The following FRMPD4 variants were observed in gnomAD, a reference collection of about 807,000 sequenced individuals.
FRMPD4 encodes FERM and PDZ domain containing 4, also known as FERM and PDZ domain-containing protein 4.
Under a neutral mutation model 94.1 loss-of-function variants are expected in FRMPD4, and 22 were observed. The ratio of observed to expected loss-of-function variants is 0.23; its 90% CI spans 0.17 to 0.33. FRMPD4 has a LOEUF of 0.33. Among genes scored for constraint, FRMPD4 ranks in the 10% least tolerant of loss-of-function variants. The pLI is 1.00. For synonymous variants in FRMPD4, 631 were observed against 548.6 expected, an observed-to-expected ratio of 1.15 and a Z score of -2.10; for missense variants, 1,111 against 1,339.9, an observed-to-expected ratio of 0.83 and a Z score of 2.67.
intron 3 of FRMPD4, among the ~76,000 whole-genome samples, chrX:12,040,951 T>TA (rs1021760719): frequency 9.0e-6 from 1 of 110,993 alleles, no homozygotes; most frequent in Non-Finnish European, 1.9e-5. Context: ...ATTCTATTAT[T>TA]AAAAAAAATT....
intron 1 of FRMPD4, among the ~76,000 whole-genome samples, chrX:12,155,215 T>C (rs1330696929): frequency 8.9e-6 from 1 of 111,793 alleles, no homozygotes; most frequent in Non-Finnish European, 1.9e-5. Context: ...ATAATTTCAT[T>C]TTTATTCAGA....
At chrX:12,008,196 A>G (rs890952918) in intron 3 of FRMPD4, among the ~76,000 whole-genome samples, 5 of 112,131 alleles carry the variant, frequency 4.5e-5, no homozygotes, top group South Asian at 3.8e-4. Context: ...GAATTAAGGT[A>G]GGTGCTGTTA....
At chrX:12,204,868 C>A (rs754502057) in intron 1 of FRMPD4, among the ~76,000 whole-genome samples, 1 of 110,905 alleles carries the variant, frequency 9.0e-6, no homozygotes, top group Non-Finnish European at 1.9e-5. Context: ...TAGACACTTG[C>A]CATCTCCCGC....
chrX:12,521,553 G>A (rs948643342), intron 2 of FRMPD4, among the ~76,000 whole-genome samples: 6 of 112,429 alleles, frequency 5.3e-5, no homozygotes, highest in Admixed American at 3.8e-4. Context: ...CCATAGGTAC[G>A]ATTTATAGAG....
intron 1 of FRMPD4, among the ~76,000 whole-genome samples, chrX:11,843,991 T>C (rs962769707): frequency 2.3e-4 from 22 of 96,966 alleles, no homozygotes; most frequent in Non-Finnish European, 4.0e-4. Flanking sequence ...TTTTTTTTTT[T>C]TTTTTTTTTG....
At chrX:12,089,555 A>T (rs2055137534) in intron 3 of FRMPD4, among the ~76,000 whole-genome samples, 1 of 112,012 alleles carries the variant, frequency 8.9e-6, no homozygotes, top group Non-Finnish European at 1.9e-5. Context: ...TAACTAATGT[A>T]GTTGAGTATC....
At chrX:12,564,424 A>C (rs940414408) in intron 2 of FRMPD4, among the ~76,000 whole-genome samples, 1 of 112,332 alleles carries the variant, frequency 8.9e-6, no homozygotes, top group Non-Finnish European at 1.9e-5. Flanking sequence ...ATGACACATA[A>C]GCCAGTAGAA....
intron 2 of FRMPD4, among the ~76,000 whole-genome samples, chrX:12,524,769 C>G (rs1364139532): frequency 9.0e-6 from 1 of 111,198 alleles, no homozygotes; most frequent in African/African-American, 3.3e-5. Context: ...GCATCATCTC[C>G]TTGATGCCCT....
At position 12,718,243 on chromosome X, in the gene FRMPD4, T is replaced by C. The variant is rs1362472020; in HGVS notation, c.3417T>C (p.Ser1139=). 2 of 1,211,555 alleles carry C rather than the reference T, an allele frequency of 1.7e-6. No homozygotes were observed. The highest frequency in any genetic ancestry group is 1.1e-6 in the Non-Finnish European group (1 of 895,257). ...KEEGAPDGET[S]DGSGLGQGDR... ...AAGGAGCTCCTGATGGAGAAACCAG[T>C]GATGGCTCAGGACTTGGTCAAGGGG... Residue 1139 remains serine, a synonymous_variant, in exon 16 of 17, where the codon AGT becomes AGC. Coordinates refer to ENST00000675598, the MANE Select transcript of FRMPD4 (RefSeq NM_001368397.1).
chrX:12,349,872 A>G (rs953342628), intron 1 of FRMPD4, among the ~76,000 whole-genome samples: 3 of 112,007 alleles, frequency 2.7e-5, no homozygotes, highest in Non-Finnish European at 3.8e-5. Context: ...TACTGCCTAA[A>G]ATGAATATAT....
At chrX:12,541,951 A>T (rs1334132760) in intron 2 of FRMPD4, among the ~76,000 whole-genome samples, 2 of 112,331 alleles carry the variant, frequency 1.8e-5, no homozygotes, top group African/African-American at 6.5e-5. Flanking sequence ...CAAATCAATA[A>T]ATGTAATCCA....
chrX:12,248,708 G>C (rs147659627), intron 1 of FRMPD4, among the ~76,000 whole-genome samples: 4 of 112,385 alleles, frequency 3.6e-5, no homozygotes, highest in South Asian at 3.6e-4. Context: ...TTTGATGTCT[G>C]TTCTTTTAGC....
At chrX:12,688,804 T>TA (rs940856830) in intron 7 of FRMPD4, among the ~76,000 whole-genome samples, 1 of 109,197 alleles carries the variant, frequency 9.2e-6, no homozygotes, top group African/African-American at 3.3e-5. Flanking sequence ...GAATGATTTT[T>TA]TTTCAGGAGT....
intron 1 of FRMPD4, among the ~76,000 whole-genome samples, chrX:12,291,226 C>T (rs1330604103): frequency 8.9e-6 from 1 of 112,411 alleles, no homozygotes; most frequent in Non-Finnish European, 1.9e-5. Flanking sequence ...TTGAACTGCA[C>T]GGTAACATTT....
At chrX:12,472,137 T>C (rs1003130545) in intron 1 of FRMPD4, among the ~76,000 whole-genome samples, 1 of 112,114 alleles carries the variant, frequency 8.9e-6, no homozygotes, top group African/African-American at 3.2e-5. Context: ...ATATTGCTAC[T>C]ACTGGCCATT....
intron 2 of FRMPD4, among the ~76,000 whole-genome samples, chrX:12,525,092 G>A (rs978720713): frequency 8.1e-5 from 9 of 110,880 alleles, no homozygotes; most frequent in South Asian, 3.9e-4. Flanking sequence ...ACAGTCTGAC[G>A]GAGGAGACTG....
At chrX:12,618,738 G>A (rs1004536324) in intron 4 of FRMPD4, among the ~76,000 whole-genome samples, 1 of 111,324 alleles carries the variant, frequency 9.0e-6, no homozygotes, top group Non-Finnish European at 1.9e-5. Flanking sequence ...ACTAACTCCT[G>A]TTAGAATGGG....
chrX:12,337,050 AG>A (rs1258822759), intron 1 of FRMPD4, among the ~76,000 whole-genome samples: 2 of 111,224 alleles, frequency 1.8e-5, no homozygotes, highest in East Asian at 5.6e-4. Flanking sequence ...GAAAAAGTTG[AG>A]TTTTGAGAGG....
chrX:11,977,227 C>T (rs1181305372), intron 3 of FRMPD4, among the ~76,000 whole-genome samples: 1 of 112,090 alleles, frequency 8.9e-6, no homozygotes, highest in East Asian at 2.8e-4. Flanking sequence ...AAAAATTATT[C>T]TGATGTAGTC....
Sources: allele counts gnomAD v4.1 joint callset (sites outside exome capture counted in the v4.1 genomes callset), GRCh38; gene constraint gnomAD v4.1.1; transcripts MANE v1.5; gene names NCBI Gene and HGNC (gene_info 2026-07-23, HGNC 2026-07-21).